Variants in TNR observed in about 807,000 individuals in gnomAD.
The protein encoded by TNR is tenascin-R.
Under a neutral mutation model 150.4 loss-of-function variants are expected in TNR, and 45 were observed. That is an observed-to-expected ratio of 0.30 (90% CI 0.24 to 0.38). The LOEUF is 0.38. Among genes scored for constraint, TNR ranks in the 10% least tolerant of loss-of-function variants. TNR has a pLI of 1.00. For synonymous variants in TNR, 687 were observed against 678.4 expected (o/e 1.01, Z -0.20); for missense variants, 1,544 against 1,759.1 (o/e 0.88, Z 2.19).
At chr1:175,726,327 G>T (rs1667478146) in intron 1 of TNR, among the ~76,000 whole-genome samples, 1 of 152,162 alleles carries the variant, frequency 6.6e-6, no homozygotes, top group Non-Finnish European at 1.5e-5. Context: ...CAATATATTT[G>T]GTGGGATCTT....
chr1:175,455,613 AGGG>A (rs1439577643), intron 2 of TNR, among the ~76,000 whole-genome samples: 3 of 152,234 alleles, frequency 2.0e-5, no homozygotes, highest in Non-Finnish European at 4.4e-5. Flanking sequence ...GGACTATGTC[AGGG>A]AAGTCTTCAG....
chr1:175,531,124 C>A (rs759759065), intron 1 of TNR, among the ~76,000 whole-genome samples: 2 of 152,198 alleles, frequency 1.3e-5, no homozygotes, highest in Non-Finnish European at 2.9e-5. Context: ...TTCCACTTAA[C>A]CAGTTTTATT....
intron 1 of TNR, among the ~76,000 whole-genome samples, chr1:175,553,745 C>T (rs1306014867): frequency 6.6e-6 from 1 of 150,934 alleles, no homozygotes; most frequent in Non-Finnish European, 1.5e-5. Flanking sequence ...TAATTTCAGC[C>T]CATCTTAAAA....
intron 9 of TNR, among the ~76,000 whole-genome samples, chr1:175,378,043 A>C (rs1251539648): frequency 1.3e-5 from 2 of 152,164 alleles, no homozygotes; most frequent in African/African-American, 2.4e-5. Context: ...ATGGTGACCG[A>C]GGACACTGCC....
At chr1:175,382,947 A>C (rs929119136) in intron 8 of TNR, among the ~76,000 whole-genome samples, 5 of 151,836 alleles carry the variant, frequency 3.3e-5, no homozygotes, top group African/African-American at 1.2e-4. Context: ...CTCAAGGTAC[A>C]GGTGTCAGTA....
At chr1:175,540,396 G>A (rs577108866) in intron 1 of TNR, among the ~76,000 whole-genome samples, 3 of 152,160 alleles carry the variant, frequency 2.0e-5, no homozygotes, top group Non-Finnish European at 4.4e-5. Context: ...TCAGAACTTG[G>A]GGATGGTGAG....
At position 175,700,321 on chromosome 1, in the gene TNR, C is replaced by T. The variant is rs545837648; in HGVS notation, c.-165+42905G>A. Among the ~76,000 whole-genome samples the T allele has an allele frequency of 1.1e-4, 17 of 152,246 alleles. No homozygotes were observed. The East Asian group carries it at 3.3e-3, about 29-fold the overall frequency. The stretch of plus-strand genomic sequence containing the variant: ...TGGCCCCATGGTCAATTATGCTGCC[C>T]ATAATTAGAGTGATATGAAGCACCT... On this transcript the variant is annotated intron_variant, in intron 1 of 22. Coordinates refer to ENST00000367674, the MANE Select transcript of TNR (RefSeq NM_003285.3).
chr1:175,521,546 G>T (rs1414179894), intron 2 of TNR, among the ~76,000 whole-genome samples: 2 of 152,224 alleles, frequency 1.3e-5, no homozygotes, highest in Non-Finnish European at 2.9e-5. Context: ...CAATCCAAGG[G>T]TTGGCACAGG....
chr1:175,515,282 C>A (rs1659358927), intron 2 of TNR, among the ~76,000 whole-genome samples: 1 of 152,194 alleles, frequency 6.6e-6, no homozygotes, highest in African/African-American at 2.4e-5. Flanking sequence ...GTCTTACTCT[C>A]AAGGAGATGT....
At chr1:175,395,066 A>T (rs185188423) in intron 5 of TNR, among the ~76,000 whole-genome samples, 176 of 141,948 alleles carry the variant, frequency 1.2e-3, no homozygotes, top group African/African-American at 4.2e-3. Context: ...TTTTTTTTTA[A>T]AAAAAGGTCA....
At chr1:175,402,066 G>T (rs1030972935) in intron 4 of TNR, among the ~76,000 whole-genome samples, 5 of 152,070 alleles carry the variant, frequency 3.3e-5, no homozygotes, top group Non-Finnish European at 7.4e-5. Flanking sequence ...CCAGCACTTT[G>T]GGAGGCCGAG....
intron 1 of TNR, among the ~76,000 whole-genome samples, chr1:175,696,217 G>GTTTTTTTTT (rs5778870): frequency 7.4e-5 from 3 of 40,460 alleles, no homozygotes; most frequent in African/African-American, 2.3e-4. Flanking sequence ...CCTTCCTGTA[G>GTTTTTTTTT]TTTTTTTTTT....
chr1:175,660,268 G>C (rs1045771611), intron 1 of TNR, among the ~76,000 whole-genome samples: 3 of 152,162 alleles, frequency 2.0e-5, no homozygotes, highest in South Asian at 4.1e-4. Flanking sequence ...ACAAATCAAT[G>C]ACTCTACCAT....
chr1:175,602,158 A>G (rs1327192790), intron 1 of TNR, among the ~76,000 whole-genome samples: 2 of 137,304 alleles, frequency 1.5e-5, no homozygotes, highest in African/African-American at 5.4e-5. Flanking sequence ...AAGACAATGT[A>G]TCTTCCAACT....
In TNR at chr1:175,322,296, G is replaced by A. The variant is rs1461755440; in HGVS notation, c.*1061C>T. 2.0e-5 allele frequency: 3 copies of A among 152,288 alleles called. No individual in the cohort carries two copies. Among genetic ancestry groups the A allele is most frequent in the African/African-American group, 7.2e-5 (3 of 41,460 alleles). 9.4% of individuals were successfully genotyped at this position (152,288 alleles called of 1,614,324 possible). A position where few individuals can be genotyped will look rare whatever the true frequency, so the allele number is the denominator to read the frequency against. ...GCCACTGTGCCACCCAGGGCCAGGA[G>A]CAGGCAATGCCTTGGGAACTAGATT... On this transcript the variant is annotated 3_prime_UTR_variant, in exon 23 of 23. Coordinates refer to ENST00000367674, the MANE Select transcript of TNR (RefSeq NM_003285.3).
intron 1 of TNR, among the ~76,000 whole-genome samples, chr1:175,737,768 G>T (rs1469697920): frequency 6.6e-6 from 1 of 152,186 alleles, no homozygotes; most frequent in Non-Finnish European, 1.5e-5. Flanking sequence ...AAGTTGGGGT[G>T]CCCTTGGCAG....
intron 1 of TNR, among the ~76,000 whole-genome samples, chr1:175,714,765 C>T (rs1667109414): frequency 6.6e-6 from 1 of 152,182 alleles, no homozygotes; most frequent in African/African-American, 2.4e-5. Context: ...AGCCAGGAGC[C>T]AATAAGCAGA....
chr1:175,367,786 T>C (rs1488705807), intron 9 of TNR, among the ~76,000 whole-genome samples: 2 of 152,118 alleles, frequency 1.3e-5, no homozygotes, highest in Non-Finnish European at 2.9e-5. Flanking sequence ...CCTGGGTCCC[T>C]TCTAGGGAGG....
At chr1:175,474,220 C>T (rs546035491) in intron 2 of TNR, among the ~76,000 whole-genome samples, 1 of 152,166 alleles carries the variant, frequency 6.6e-6, no homozygotes, top group Admixed American at 6.5e-5. Flanking sequence ...AGGTTGAAGT[C>T]CTAACTCTCA....
Sources: allele counts gnomAD v4.1 joint callset (sites outside exome capture counted in the v4.1 genomes callset), GRCh38; gene constraint gnomAD v4.1.1; transcripts MANE v1.5; gene names NCBI Gene and HGNC (gene_info 2026-07-23, HGNC 2026-07-21).